PMPCB: variants seen among roughly 807,000 people sequenced by gnomAD.
The protein encoded by PMPCB is mitochondrial-processing peptidase subunit beta.
A neutral mutation model predicts 61.5 loss-of-function variants in PMPCB; 46 were observed. The ratio of observed to expected loss-of-function variants is 0.75; its 90% confidence interval spans 0.59 to 0.96. The LOEUF (loss-of-function observed/expected upper bound fraction) is 0.96. Among genes scored for constraint, PMPCB ranks in the 40% least tolerant of loss-of-function variants. The pLI, the probability that PMPCB is intolerant of heterozygous loss-of-function variation, is 0.00. For synonymous variants in PMPCB, 191 were observed against 201.6 expected, an observed-to-expected ratio of 0.95 and a Z score of 0.44; for missense variants, 590 against 602.4, an observed-to-expected ratio of 0.98 and a Z score of 0.22.
chr7:103,326,995 G>T (rs1204530679), intron 12 of PMPCB, among the ~76,000 whole-genome samples: 2 of 152,194 alleles, frequency 1.3e-5, no homozygotes, highest in Non-Finnish European at 2.9e-5. Context: ...TCCCAAGGTT[G>T]TAAAAGATCG....
chr7:103,300,276 T>A lies in PMPCB; in HGVS notation c.426T>A (p.Tyr142Ter). The change falls in exon 4 of 13, where the codon TAT (tyrosine) becomes TAA (stop). Residue 142 changes from tyrosine (Y) to a stop codon, truncating the protein, a stop_gained. Coordinates refer to ENST00000249269, the MANE Select transcript of PMPCB (RefSeq NM_004279.3). LOFTEE classifies it high-confidence loss of function. ...CCTCCAGAGAGCAGACTGTATACTA[T>A]GCCAAAGCATTCTCTAAAGACTTGC... ...AYTSREQTVY[Y>*]AKAFSKDLPR... 6.2e-7 allele frequency: 1 copy of A among 1,609,226 alleles called. No homozygotes were observed. The highest frequency in any genetic ancestry group is 8.5e-7 in the Non-Finnish European group (1 of 1,177,344).
the PMPCB span, among the ~76,000 whole-genome samples, chr7:103,340,282 C>T: frequency 3.9e-5 from 6 of 152,212 alleles, no homozygotes; most frequent in Admixed American, 2.6e-4. Context: ...GCTGTTTTTC[C>T]TCCTCTTCCT....
At chr7:103,330,750 CT>C (rs112547436), downstream of PMPCB, among the ~76,000 whole-genome samples, 32,168 of 143,558 alleles carry the variant, frequency 0.22, 5,183 homozygotes, top group African/African-American at 0.47. Context: ...ACACCCAGCT[CT>C]TTTTTTTTTT....
At chr7:103,315,818 C>T (rs1818019753), downstream of PMPCB, 1 of 1,613,620 alleles carries the variant, frequency 6.2e-7, no homozygotes. Context: ...ACTCCATGTT[C>T]TTTTTTGAAC....
the PMPCB span, chr7:103,335,141 C>T: frequency 1.3e-5 from 2 of 152,086 alleles, no homozygotes; most frequent in African/African-American, 2.4e-5. Context: ...GCTCCTACTT[C>T]ACACTTAATT....
intron 12 of PMPCB, among the ~76,000 whole-genome samples, chr7:103,328,114 G>C (rs1818803705): frequency 6.6e-6 from 1 of 151,686 alleles, no homozygotes; most frequent in Non-Finnish European, 1.5e-5. Flanking sequence ...TAGAAACAAG[G>C]TTTCACTATG....
intron 4 of PMPCB, 135 bp from the exon 5 acceptor site, chr7:103,303,707 G>C: frequency 3.3e-6 from 2 of 607,184 alleles, no homozygotes; most frequent in Non-Finnish European, 5.7e-6. Flanking sequence ...AAGTATATCT[G>C]ATGTTTTTCT....
chr7:103,302,072 T>C (rs904334869), intron 4 of PMPCB, among the ~76,000 whole-genome samples: 3 of 152,186 alleles, frequency 2.0e-5, no homozygotes, highest in African/African-American at 4.8e-5. Context: ...GTCCTTGTGA[T>C]AGTTTGCTCA....
chr7:103,297,985 A>C, intron 1 of PMPCB: 1 of 1,145,686 alleles, frequency 8.7e-7, no homozygotes, highest in South Asian at 1.6e-5. Flanking sequence ...CATTTTTCTC[A>C]TGAGAGAGCC....
chr7:103,305,507 C>T (rs1467670684), intron 6 of PMPCB, among the ~76,000 whole-genome samples: 2 of 152,182 alleles, frequency 1.3e-5, no homozygotes, highest in East Asian at 1.9e-4. Flanking sequence ...TATCCTTCCA[C>T]CTTGACCTCC....
rs1563451921 is a variant in PMPCB at position 103,312,835 on chromosome 7, G to C, written c.*564G>C. On this transcript the variant is annotated 3_prime_UTR_variant, in exon 13 of 13. Coordinates refer to ENST00000249269, the MANE Select transcript of PMPCB (RefSeq NM_004279.3). ...TCATAATATTGACCCCATAACTACTGGTTTTGAAATAAGCACTATATTATT... is the reference window on the plus strand; with the variant it reads ...TCATAATATTGACCCCATAACTACTCGTTTTGAAATAAGCACTATATTATT... 1.3e-6 allele frequency: 2 copies of C among 1,521,372 alleles called. No individual in the cohort carries two copies. The highest frequency in any genetic ancestry group is 1.8e-6 in the Non-Finnish European group (2 of 1,141,132). 94.2% of individuals were successfully genotyped at this position (1,521,372 alleles called of 1,614,324 possible). A position where few individuals can be genotyped will look rare whatever the true frequency, so the allele number is the denominator to read the frequency against.
Position 103,323,490 on chromosome 7 carries a change from T to A in PMPCB, c.*1432-5441T>A, listed in dbSNP as rs1448511686. 3.5e-6 allele frequency: 4 copies of A among 1,138,800 alleles called. No homozygotes were observed. The African/African-American group carries it at 4.9e-5, about 14-fold the overall frequency. 70.5% of individuals were successfully genotyped at this position (1,138,800 alleles called of 1,614,324 possible). ...ATATTAAAAAATTGTTTAAAAAAGA[T>A]GTACAAAGAGAAAATATGAAAGAAA... On this transcript the variant is annotated intron_variant and NMD_transcript_variant, in intron 12 of 12. Coordinates refer to the PMPCB transcript ENST00000444457.
At chr7:103,317,249 C>CA, downstream of PMPCB, 1 of 463,282 alleles carries the variant, frequency 2.2e-6, no homozygotes, top group Non-Finnish European at 3.8e-6. Context: ...TCCCAGTACT[C>CA]ATGTCATGTG....
the PMPCB span, chr7:103,344,671 G>T: frequency 1.3e-6 from 2 of 1,591,922 alleles, 1 homozygote; most frequent in South Asian, 2.2e-5. Flanking sequence ...CGTCCCGGGC[G>T]GAGGGCGCTT....
In PMPCB at chr7:103,304,506, T is replaced by C. The variant is rs757723801; in HGVS notation, c.736+16T>C. The C allele has an allele frequency of 6.5e-7, 1 of 1,535,792 alleles. No homozygotes were observed. The highest frequency in any genetic ancestry group is 1.1e-5 in the South Asian group (1 of 89,380). On this transcript the variant is annotated intron_variant, in intron 6 of 12. Transcript: ENST00000249269. ...GCTGCTGGAGGTTAGTCAATTTAAATTTCTACAAATGTTTTAAACACAGTT... is the reference window on the plus strand; with the variant it reads ...GCTGCTGGAGGTTAGTCAATTTAAACTTCTACAAATGTTTTAAACACAGTT...
chr7:103,300,066 A>G (rs1817406919), intron 3 of PMPCB, 112 bp from the exon 4 acceptor site: 10 of 1,023,888 alleles, frequency 9.8e-6, no homozygotes, highest in Non-Finnish European at 1.4e-5. Context: ...TTTAGAAACC[A>G]AATTTGACCC....
chr7:103,311,900 A>G lies in PMPCB; in HGVS notation c.1329+4A>G, dbSNP rs115306618. On this transcript the variant is annotated splice_donor_region_variant and intron_variant, in intron 11 of 12. Transcript: ENST00000249269. Reference sequence around the variant, plus strand: ...TGAGCTTGAAGCAAGAATTGATGTAAGTAGTCCTGAGTTACTATTGGGTCA... The same window carrying G: ...TGAGCTTGAAGCAAGAATTGATGTAGGTAGTCCTGAGTTACTATTGGGTCA... The G allele has an allele frequency of 9.7e-4, 1,541 of 1,582,252 alleles. 19 individuals are homozygous for G. In the African/African-American group the frequency reaches 0.018, roughly 19 times the overall value.
At position 103,300,272 on chromosome 7, in the gene PMPCB, A is replaced by C. The variant is rs1294011738; in HGVS notation, c.422A>C (p.Tyr141Ser). 2 of 1,610,798 alleles carry C rather than the reference A, an allele frequency of 1.2e-6. No individual in the cohort carries two copies. Among genetic ancestry groups the C allele is most frequent in the African/African-American group, 2.7e-5 (2 of 74,844 alleles). Residue 141 changes from tyrosine to serine, a missense_variant, in exon 4 of 13, where the codon TAC becomes TCC. Coordinates refer to ENST00000249269, the MANE Select transcript of PMPCB (RefSeq NM_004279.3). ...NAYTSREQTV[Y>S]YAKAFSKDLP... ...TATACCTCCAGAGAGCAGACTGTATACTATGCCAAAGCATTCTCTAAAGAC... is the reference window on the plus strand; with the variant it reads ...TATACCTCCAGAGAGCAGACTGTATCCTATGCCAAAGCATTCTCTAAAGAC...
chr7:103,319,225 T>A (rs1479192434), downstream of PMPCB, among the ~76,000 whole-genome samples: 1 of 151,936 alleles, frequency 6.6e-6, no homozygotes, highest in Non-Finnish European at 1.5e-5. Flanking sequence ...GATCATGAGG[T>A]CAAGAATTCA....
Sources: gnomAD v4.1 joint callset for allele counts (sites outside exome capture counted in the v4.1 genomes callset) on GRCh38, gnomAD v4.1.1 for gene constraint, MANE v1.5 for transcripts, NCBI Gene and HGNC (gene_info 2026-07-23, HGNC 2026-07-21) for gene names.